The following CCDC141 variants were observed in gnomAD, a reference collection of about 807,000 sequenced individuals.
The protein encoded by CCDC141 is coiled-coil domain containing 141.
A neutral mutation model predicts 181.0 loss-of-function variants in CCDC141; 168 were observed. The observed-to-expected ratio is 0.93, with a 90% CI of 0.82 to 1.05. CCDC141 has a LOEUF of 1.05. Ranked by LOEUF, CCDC141 falls within the 50% of genes least tolerant of loss-of-function variation. CCDC141 has a pLI of 0.00. For synonymous variants in CCDC141, 666 were observed against 642.3 expected (o/e 1.04, Z -0.56); for missense variants, 1,902 against 1,788.5 (o/e 1.06, Z -1.14).
intron 5 of CCDC141, among the ~76,000 whole-genome samples, chr2:178,947,325 T>C (rs559551044): frequency 7.9e-5 from 12 of 152,254 alleles, no homozygotes; most frequent in South Asian, 6.2e-4. Context: ...ATGTAGAACA[T>C]GGTCCCTGCA....
chr2:178,971,064 C>T (rs576302239), intron 4 of CCDC141, among the ~76,000 whole-genome samples: 11 of 152,110 alleles, frequency 7.2e-5, no homozygotes, highest in South Asian at 2.1e-4. Flanking sequence ...AAAAATTAGC[C>T]GGGCCTGGTG....
chr2:178,885,533 A>G (rs541576907), intron 10 of CCDC141, among the ~76,000 whole-genome samples: 1 of 152,338 alleles, frequency 6.6e-6, no homozygotes, highest in South Asian at 2.1e-4. Context: ...AAGATGACCT[A>G]TCAATAGTGC....
At chr2:178,990,927 T>G (rs906170995) in intron 2 of CCDC141, among the ~76,000 whole-genome samples, 2 of 152,114 alleles carry the variant, frequency 1.3e-5, no homozygotes, top group Non-Finnish European at 2.9e-5. Context: ...TGGGTCATTC[T>G]TGTCATACTC....
intron 8 of CCDC141, among the ~76,000 whole-genome samples, chr2:178,895,485 C>T (rs1014122018): frequency 4.6e-5 from 7 of 151,988 alleles, no homozygotes; most frequent in South Asian, 4.2e-4. Context: ...TTCATATTGC[C>T]GTGATAAAGA....
chr2:178,924,487 A>ATT (rs201542376), intron 6 of CCDC141, among the ~76,000 whole-genome samples: 1 of 148,130 alleles, frequency 6.8e-6, no homozygotes, highest in African/African-American at 2.5e-5. Context: ...TCTGCTTAAG[A>ATT]TTTTTTTTTT....
At chr2:179,013,986 A>AAG in intron 2 of CCDC141, among the ~76,000 whole-genome samples, 1 of 146,126 alleles carries the variant, frequency 6.8e-6, no homozygotes, top group South Asian at 2.2e-4. Flanking sequence ...AAAAAAAAAA[A>AAG]AGGACAAATC....
chr2:178,923,148 A>C (rs1575222494), intron 6 of CCDC141, among the ~76,000 whole-genome samples: 1 of 136,532 alleles, frequency 7.3e-6, no homozygotes, highest in South Asian at 2.3e-4. Context: ...TCTGTCGCCC[A>C]GGCTGGAGTG....
intron 6 of CCDC141, among the ~76,000 whole-genome samples, chr2:178,924,616 G>T (rs1200389180): frequency 6.6e-6 from 1 of 152,152 alleles, no homozygotes; most frequent in Admixed American, 6.5e-5. Context: ...CCCTTCAGGG[G>T]CATTTCTATG....
intron 20 of CCDC141, 113 bp downstream of exon 20, chr2:178,853,328 C>T: frequency 1.2e-6 from 1 of 865,434 alleles, no homozygotes; most frequent in Non-Finnish European, 1.8e-6. Context: ...TCCCTGAATA[C>T]ACTGGTGTGC....
At chr2:178,825,837 G>A (rs1347227511), downstream of CCDC141, among the ~76,000 whole-genome samples, 1 of 152,012 alleles carries the variant, frequency 6.6e-6, no homozygotes, top group Admixed American at 6.6e-5. Flanking sequence ...CTTCTGCTTT[G>A]GTGATTTTGC....
At chr2:179,009,101 T>A (rs1186146922) in intron 2 of CCDC141, among the ~76,000 whole-genome samples, 1 of 152,190 alleles carries the variant, frequency 6.6e-6, no homozygotes, top group Admixed American at 6.5e-5. Flanking sequence ...GGGACCTTGA[T>A]ACATGCTTTT....
At chr2:178,968,208 A>G (rs1690722373) in intron 4 of CCDC141, among the ~76,000 whole-genome samples, 2 of 152,224 alleles carry the variant, frequency 1.3e-5, no homozygotes, top group Non-Finnish European at 2.9e-5. Context: ...GATACTCAGG[A>G]CTTGAACTCA....
chr2:178,895,486 G>A lies in CCDC141; in HGVS notation c.1266-6818C>T, dbSNP rs543650093. Among the ~76,000 whole-genome samples the A allele has an allele frequency of 2.6e-5, 4 of 152,224 alleles. 1 individual carries two copies. The highest frequency in any genetic ancestry group is 2.1e-4 in the South Asian group (1 of 4,826). ...TATAAATGAATACATTCATATTGCCGTGATAAAGATACTTTATGAGAACCT... is the reference window on the plus strand; with the variant it reads ...TATAAATGAATACATTCATATTGCCATGATAAAGATACTTTATGAGAACCT... On this transcript the variant is annotated intron_variant, in intron 8 of 23. Coordinates refer to ENST00000443758, the MANE Select transcript of CCDC141 (RefSeq NM_173648.4).
At chr2:178,976,191 C>A (rs11675573) in intron 3 of CCDC141, among the ~76,000 whole-genome samples, 46,787 of 151,968 alleles carry the variant, frequency 0.31, 8,323 homozygotes, top group East Asian at 0.66. Context: ...CTTGTTTTAG[C>A]ACTAAGATTC....
At chr2:178,999,421 G>A (rs574793562) in intron 2 of CCDC141, among the ~76,000 whole-genome samples, 6 of 152,030 alleles carry the variant, frequency 3.9e-5, no homozygotes, top group Admixed American at 3.3e-4. Flanking sequence ...TCCTACAACA[G>A]CCTTTCAACT....
At chr2:178,873,265 T>A (rs1326071611) in intron 12 of CCDC141, 1 of 147,984 alleles carries the variant, frequency 6.8e-6, no homozygotes, top group Non-Finnish European at 1.5e-5. Context: ...TATATTTTTA[T>A]GTTATTTTAC....
downstream of CCDC141, among the ~76,000 whole-genome samples, chr2:178,829,603 C>G (rs544549429): frequency 6.6e-6 from 1 of 152,282 alleles, no homozygotes; most frequent in South Asian, 2.1e-4. Context: ...GTGATAAGCA[C>G]AGAGAAAATG....
intron 2 of CCDC141, among the ~76,000 whole-genome samples, chr2:179,046,141 G>A (rs765506493): frequency 5.9e-5 from 9 of 152,182 alleles, no homozygotes; most frequent in Non-Finnish European, 1.3e-4. Context: ...AAAATGCAGA[G>A]CATCCTAGTC....
At chr2:179,011,544 C>A (rs1356256917) in intron 2 of CCDC141, among the ~76,000 whole-genome samples, 1 of 152,116 alleles carries the variant, frequency 6.6e-6, no homozygotes, top group African/African-American at 2.4e-5. Context: ...ACCCCACTGA[C>A]AACACACACT....
Sources: allele counts gnomAD v4.1 joint callset (sites outside exome capture counted in the v4.1 genomes callset), GRCh38; gene constraint gnomAD v4.1.1; transcripts MANE v1.5; gene names NCBI Gene and HGNC (gene_info 2026-07-23, HGNC 2026-07-21).